Variants in MACROD2 observed in about 807,000 individuals in gnomAD.
MACROD2 encodes the protein ADP-ribose glycohydrolase MACROD2.
Under a neutral mutation model 70.4 loss-of-function variants are expected in MACROD2, and 36 were observed. That is an observed-to-expected ratio of 0.51 (90% confidence interval 0.39 to 0.68). The LOEUF is 0.68. Ranked by LOEUF, MACROD2 falls within the 30% of genes least tolerant of loss-of-function variation. The pLI is 0.00. For missense variants in MACROD2, 496 were observed against 538.4 expected (o/e 0.92, Z 0.78); for synonymous variants, 172 against 178.8 (o/e 0.96, Z 0.30).
intron 2 of MACROD2, among the ~76,000 whole-genome samples, chr20:14,068,734 G>C (rs2053800882): frequency 1.3e-5 from 2 of 152,098 alleles, no homozygotes; most frequent in Admixed American, 6.5e-5. Flanking sequence ...ATTCACCCAT[G>C]ATGAGAAATA....
intron 5 of MACROD2, among the ~76,000 whole-genome samples, chr20:15,066,808 C>G (rs1442434492): frequency 6.6e-6 from 1 of 150,704 alleles, no homozygotes; most frequent in African/African-American, 2.4e-5. Flanking sequence ...CTTGAACCCG[C>G]AAGGCGGAGG....
chr20:15,943,370 A>G (rs766853630), intron 12 of MACROD2, among the ~76,000 whole-genome samples: 55 of 152,240 alleles, frequency 3.6e-4, no homozygotes, highest in Non-Finnish European at 5.1e-4. Flanking sequence ...TCTTTGTCCT[A>G]TTCCCATTCT....
intron 6 of MACROD2, among the ~76,000 whole-genome samples, chr20:15,392,880 G>A (rs1349142674): frequency 6.6e-6 from 1 of 151,448 alleles, no homozygotes; most frequent in East Asian, 1.9e-4. Context: ...AGAGGAAATT[G>A]TACAGTGTAA....
At chr20:14,709,596 G>A (rs1211037183) in intron 5 of MACROD2, among the ~76,000 whole-genome samples, 1 of 152,138 alleles carries the variant, frequency 6.6e-6, no homozygotes, top group Non-Finnish European at 1.5e-5. Flanking sequence ...AAGGCATATT[G>A]TTCATAAAGC....
At chr20:14,390,760 T>G (rs1276620333) in intron 3 of MACROD2, among the ~76,000 whole-genome samples, 2 of 152,084 alleles carry the variant, frequency 1.3e-5, no homozygotes, top group African/African-American at 2.4e-5. Context: ...ATTAAAGAAC[T>G]TAAACAAATG....
intron 15 of MACROD2, among the ~76,000 whole-genome samples, chr20:16,032,517 A>G (rs2067165091): frequency 6.6e-6 from 1 of 151,888 alleles, no homozygotes; most frequent in East Asian, 1.9e-4. Flanking sequence ...TCAAGGAAGA[A>G]AGGAAGAAAG....
intron 5 of MACROD2, among the ~76,000 whole-genome samples, chr20:15,172,046 T>C (rs1235464788): frequency 6.6e-6 from 1 of 152,246 alleles, no homozygotes; most frequent in African/African-American, 2.4e-5. Context: ...AAGCATATTC[T>C]AATTAATTTT....
chr20:15,986,159 T>C lies in MACROD2; in HGVS notation c.986-568T>C, dbSNP rs546556198. Among the ~76,000 whole-genome samples the C allele has an allele frequency of 1.8e-4, 28 of 152,350 alleles. No individual in the cohort carries two copies. In the South Asian group the frequency reaches 5.4e-3, roughly 29 times the overall value. ...GGGGCTGGTGCCGGGCTGCCTGTCT[T>C]TGGTTTTACTTCCTTGTTTTTCTCT... On this transcript the variant is annotated intron_variant, in intron 13 of 17. Coordinates refer to ENST00000684519, the MANE Select transcript of MACROD2 (RefSeq NM_001351661.2).
intron 3 of MACROD2, among the ~76,000 whole-genome samples, chr20:14,311,613 G>A (rs1225023753): frequency 6.6e-6 from 1 of 152,120 alleles, no homozygotes; most frequent in African/African-American, 2.4e-5. Flanking sequence ...TGCCTCCTGG[G>A]TTCAATTGAT....
intron 5 of MACROD2, among the ~76,000 whole-genome samples, chr20:15,131,191 G>C (rs992372396): frequency 2.6e-5 from 4 of 152,086 alleles, no homozygotes; most frequent in Non-Finnish European, 5.9e-5. Flanking sequence ...TTGACATGGA[G>C]ACTAATAACA....
chr20:15,489,292 A>G (rs1178521841), intron 7 of MACROD2, among the ~76,000 whole-genome samples: 1 of 152,172 alleles, frequency 6.6e-6, no homozygotes, highest in Non-Finnish European at 1.5e-5. Flanking sequence ...TTTTTATATT[A>G]TGACTAATTC....
chr20:15,153,232 G>A (rs2076283979), intron 5 of MACROD2, among the ~76,000 whole-genome samples: 1 of 152,042 alleles, frequency 6.6e-6, no homozygotes, highest in Non-Finnish European at 1.5e-5. Flanking sequence ...GGTGCAGGCG[G>A]GCTGAGTCTG....
At chr20:15,791,479 TA>T (rs1483802220) in intron 8 of MACROD2, among the ~76,000 whole-genome samples, 1 of 151,920 alleles carries the variant, frequency 6.6e-6, no homozygotes. Flanking sequence ...ATGTTTTTAA[TA>T]AAGTCTGATT....
intron 4 of MACROD2, among the ~76,000 whole-genome samples, chr20:14,659,952 AT>A (rs1411361139): frequency 1.3e-5 from 2 of 152,178 alleles, no homozygotes; most frequent in African/African-American, 4.8e-5. Context: ...GGATTCTTTT[AT>A]TTATGACTCT....
At chr20:14,157,672 A>G (rs1184370510) in intron 3 of MACROD2, among the ~76,000 whole-genome samples, 1 of 152,168 alleles carries the variant, frequency 6.6e-6, no homozygotes, top group East Asian at 1.9e-4. Flanking sequence ...GATTGAGAAT[A>G]TGTGATACTA....
At chr20:14,437,021 G>T (rs953358579) in intron 3 of MACROD2, among the ~76,000 whole-genome samples, 2 of 152,094 alleles carry the variant, frequency 1.3e-5, no homozygotes, top group Non-Finnish European at 2.9e-5. Context: ...ACACACAGAG[G>T]TTTCAATTTG....
intron 3 of MACROD2, among the ~76,000 whole-genome samples, chr20:14,348,517 A>G (rs2083087471): frequency 6.6e-6 from 1 of 151,996 alleles, no homozygotes; most frequent in African/African-American, 2.4e-5. Flanking sequence ...TACTTCCTTC[A>G]ACTTGTCTTT....
intron 5 of MACROD2, among the ~76,000 whole-genome samples, chr20:15,040,608 G>T (rs4814330): frequency 0.17 from 26,122 of 152,106 alleles, 2,888 homozygotes; most frequent in East Asian, 0.33. Context: ...TGTATGGATT[G>T]CTGCTTCCTC....
intron 3 of MACROD2, among the ~76,000 whole-genome samples, chr20:14,314,161 A>G (rs1216734382): frequency 6.6e-6 from 1 of 152,232 alleles, no homozygotes; most frequent in South Asian, 2.1e-4. Flanking sequence ...CTTTAAGATA[A>G]CTAATCTTTT....
Sources: gnomAD v4.1 joint callset for allele counts (sites outside exome capture counted in the v4.1 genomes callset) on GRCh38, gnomAD v4.1.1 for gene constraint, MANE v1.5 for transcripts, NCBI Gene and HGNC (gene_info 2026-07-23, HGNC 2026-07-21) for gene names.